PPP1R18: variants seen among roughly 807,000 people sequenced by gnomAD.
PPP1R18 encodes the protein protein phosphatase 1 regulatory subunit 18, also known as phostensin.
Under a neutral mutation model 54.8 loss-of-function variants are expected in PPP1R18, and 31 were observed. The ratio of observed to expected loss-of-function variants is 0.57; its 90% confidence interval spans 0.43 to 0.76. The LOEUF is 0.76. Ranked by LOEUF, PPP1R18 falls within the 30% of genes least tolerant of loss-of-function variation. The pLI, the probability that PPP1R18 is intolerant of heterozygous loss-of-function variation, is 0.00. For synonymous variants in PPP1R18, 310 were observed against 320.2 expected (o/e 0.97, Z 0.34); for missense variants, 685 against 776.1 (o/e 0.88, Z 1.39).
intron 2 of PPP1R18, 35 bp downstream of exon 2, chr6:30,679,140 AGCAG>A: frequency 6.4e-7 from 1 of 1,565,220 alleles, no homozygotes; most frequent in South Asian, 1.1e-5. Flanking sequence ...CCGCTCTGAC[AGCAG>A]GGGGCGCCCT....
rs1770680978 is a variant in PPP1R18, at chr6:30,683,620, G to A, written c.1611+788C>T. On this transcript the variant is annotated intron_variant, in intron 1 of 2. Transcript: ENST00000274853. This position sits in a 1 kb window ranked among gnomAD's most constrained non-coding sequence, Gnocchi z 5.1. ...TGGGAGGGAGGGGAAACCCAGGGAG[G>A]AAGGACAGGGGAGTGAGGGGCGGGG... Among the ~76,000 whole-genome samples the A allele has an allele frequency of 2.0e-5, 3 of 152,188 alleles. No individual in the cohort carries two copies. In the South Asian group the frequency reaches 6.2e-4, roughly 31 times the overall value.
rs1257789100 is a variant in PPP1R18, at chr6:30,677,294, GGA to G, written c.1823-8_1823-7del. On this transcript the variant is annotated splice_region_variant and splice_polypyrimidine_tract_variant and intron_variant, in intron 2 of 2. Transcript: ENST00000274853. ...TCACCGCCGGCAGGACTCATCTGTGGGAGAGGGGGCAATAATGTTAGAGAATG... is the reference window on the plus strand; with the variant it reads ...TCACCGCCGGCAGGACTCATCTGTGGGAGGGGGCAATAATGTTAGAGAATG... The G allele has an allele frequency of 6.3e-7, 1 of 1,595,106 alleles. No homozygotes were observed. The highest frequency in any genetic ancestry group is 1.1e-5 in the South Asian group (1 of 88,304).
In PPP1R18 at chr6:30,684,940, T is replaced by C; in HGVS notation, c.1079A>G (p.Glu360Gly). ...AGATTCCAGAAGCTTCTCTGCTGAC[T>C]CTGGAGGTTCTGGTTTCTGAGTTTG... ...EAQTQKPEPP[E>G]SAEKLLESPG... Residue 360 changes from glutamate to glycine, a missense_variant, in exon 1 of 3, where the codon GAG (glutamate) becomes GGG (glycine). Physicochemically the swap from Glu to Gly is moderately conservative, Grantham distance 98. Coordinates refer to ENST00000274853, the MANE Select transcript of PPP1R18 (RefSeq NM_133471.4). This position sits in a 1 kb window ranked among gnomAD's most constrained non-coding sequence, Gnocchi z 6.0. The C allele has an allele frequency of 6.2e-7, 1 of 1,613,076 alleles. No homozygotes were observed. Among genetic ancestry groups the C allele is most frequent in the Non-Finnish European group, 8.5e-7 (1 of 1,180,002 alleles).
Position 30,686,258 on chromosome 6 carries a change from G to A in PPP1R18, c.-240C>T, listed in dbSNP as rs562271354. ...TTGTGAGCCCAAGTTGGGGGTGGTG[G>A]GGGTGATGTGAGAGGAAGAGTCCGG... is the stretch of plus-strand genomic sequence containing the variant. On this transcript the variant is annotated 5_prime_UTR_variant, in exon 1 of 3. Coordinates refer to ENST00000274853, the MANE Select transcript of PPP1R18 (RefSeq NM_133471.4). The A allele has an allele frequency of 5.8e-5, 30 of 519,612 alleles. No homozygotes were observed. Among genetic ancestry groups the A allele is most frequent in the African/African-American group, 5.2e-4 (27 of 51,442 alleles). The allele number at this position is 519,612 out of a possible 1,614,324, so 32.2% of individuals were successfully genotyped here.
chr6:30,679,083 C>T, intron 2 of PPP1R18, 96 bp downstream of exon 2: 1 of 995,374 alleles, frequency 1.0e-6, no homozygotes, highest in Non-Finnish European at 1.5e-6. Flanking sequence ...AAGCCCCTTC[C>T]GAGTGCCTAC....
chr6:30,679,763 G>A (rs1168402688), intron 1 of PPP1R18, among the ~76,000 whole-genome samples: 1 of 152,148 alleles, frequency 6.6e-6, no homozygotes, highest in Non-Finnish European at 1.5e-5. Context: ...AATACATGGC[G>A]ATAAGTCTTG....
chr6:30,685,948 C>T lies in PPP1R18; in HGVS notation c.71G>A (p.Gly24Asp), dbSNP rs1695852455. ...GCGCTCCCGTTCTGCTTTCTCTCGG[C>T]CTCGAACGGACGCCTCCTCCTGCCG... Reference protein sequence around the residue: ...RRRQEEASVRGREKAERERLS... With the variant: ...RRRQEEASVRDREKAERERLS... Residue 24 changes from glycine to aspartate, a missense_variant, in exon 1 of 3, where the codon GGC becomes GAC. Gly to Asp is a moderately conservative substitution (Grantham distance 94). Transcript: ENST00000274853. This position sits in a 1 kb window ranked among gnomAD's most constrained non-coding sequence, Gnocchi z 5.0. 6.2e-7 allele frequency: 1 copy of T among 1,605,770 alleles called. No individual in the cohort carries two copies. The highest frequency in any genetic ancestry group is 1.3e-5 in the African/African-American group (1 of 74,868).
chr6:30,677,385 C>G (rs1355931939), intron 2 of PPP1R18, 97 bp from the exon 3 acceptor site: 1 of 1,021,264 alleles, frequency 9.8e-7, no homozygotes, highest in African/African-American at 1.6e-5. Context: ...AGTTGGCATG[C>G]AGGAAGTCCT....
intron 2 of PPP1R18, 87 bp downstream of exon 2, chr6:30,679,092 A>T: frequency 8.8e-7 from 1 of 1,130,000 alleles, no homozygotes; most frequent in Non-Finnish European, 1.3e-6. Context: ...CCGAGTGCCT[A>T]CATGTAATCC....
rs570720015 is a variant in PPP1R18, at chr6:30,684,223, A to C, written c.1611+185T>G. Among the ~76,000 whole-genome samples, 8 of 152,330 alleles carry C rather than the reference A, an allele frequency of 5.3e-5. No homozygotes were observed. The East Asian group carries it at 1.5e-3, about 29-fold the overall frequency. ...TGCTGGGGCAGGATCTTTTGGGCTC[A>C]AAATGGAAAAGGAGGGCTCTGAGAA... is the stretch of plus-strand genomic sequence containing the variant. On this transcript the variant is annotated intron_variant, in intron 1 of 2. Transcript: ENST00000274853. The surrounding 1 kb of genome is among the most constrained non-coding windows in gnomAD (Gnocchi z 6.0).
intron 2 of PPP1R18, 47 bp downstream of exon 2, chr6:30,679,132 G>T: frequency 6.5e-7 from 1 of 1,532,010 alleles, no homozygotes; most frequent in Non-Finnish European, 8.9e-7. Context: ...CACAGCGCCC[G>T]CTCTGACAGC....
At chr6:30,686,760 C>CGACG (rs1770987914), upstream of PPP1R18, 2 of 151,782 alleles carry the variant, frequency 1.3e-5, no homozygotes, top group African/African-American at 4.8e-5. Flanking sequence ...AATAGCCACC[C>CGACG]CCGAGACTTT....
chr6:30,682,135 T>C (rs2239888), intron 1 of PPP1R18, among the ~76,000 whole-genome samples: 2,997 of 152,270 alleles, frequency 0.02, 235 homozygotes, highest in East Asian at 0.17. Context: ...TTGCTCTCGG[T>C]CTATGTTTAT....
At chr6:30,682,403 T>G (rs1353347893) in intron 1 of PPP1R18, among the ~76,000 whole-genome samples, 1 of 152,004 alleles carries the variant, frequency 6.6e-6, no homozygotes, top group East Asian at 1.9e-4. Context: ...CAGGGATAAA[T>G]TTGATGGAAT....
Position 30,679,281 on chromosome 6 carries a change from TG to T in PPP1R18, c.1719del (p.Asn574ThrfsTer32). 1 of 1,553,736 alleles carries T rather than the reference TG, an allele frequency of 6.4e-7. No homozygotes were observed. The highest frequency in any genetic ancestry group is 1.4e-5 in the African/African-American group (1 of 71,738). ...LGPEPEVPSAPNPPAAQPDDE... is the reference protein window; with the variant it reads ...LGPEPEVPSAXNPPAAQPDDE... ...TCGTCGGGTTGGGCTGCTGGAGGGT[TG>T]GGGGCACTGGGGACCTCAGGCTCCG... is the stretch of plus-strand genomic sequence containing the variant. On this transcript the variant is annotated frameshift_variant, in exon 2 of 3. Coordinates refer to ENST00000274853, the MANE Select transcript of PPP1R18 (RefSeq NM_133471.4). LOFTEE classifies it high-confidence loss of function.
chr6:30,686,736 G>C (rs1770982574), upstream of PPP1R18: 3 of 147,604 alleles, frequency 2.0e-5, no homozygotes, highest in African/African-American at 5.0e-5. Context: ...CCGCCCCCGA[G>C]GCGGGTCGGG....
chr6:30,683,008 T>TA lies in PPP1R18; in HGVS notation c.1611+1399dup, dbSNP rs772475738. 1.3e-5 allele frequency among the ~76,000 whole-genome samples: 2 copies of TA among 152,156 alleles called. No homozygotes were observed. The highest frequency in any genetic ancestry group is 2.9e-5 in the Non-Finnish European group (2 of 68,010). ...CCCAGCCCTGAGGGGAACAGGCTGG[T>TA]AGCAGTCAGAGGGCTGAGGGTAGGT... On this transcript the variant is annotated intron_variant, in intron 1 of 2. Transcript: ENST00000274853. The surrounding 1 kb of genome is among the most constrained non-coding windows in gnomAD (Gnocchi z 5.1).
chr6:30,686,161 A>T lies in PPP1R18; in HGVS notation c.-143T>A. Reference sequence around the variant, plus strand: ...AGAGGTGGGACACAAAGCAGGGCAGAGGGGCTAAGGATGAGGACAGAGGGA... The same window carrying T: ...AGAGGTGGGACACAAAGCAGGGCAGTGGGGCTAAGGATGAGGACAGAGGGA... On this transcript the variant is annotated 5_prime_UTR_variant, in exon 1 of 3. Coordinates refer to ENST00000274853, the MANE Select transcript of PPP1R18 (RefSeq NM_133471.4). 1 of 797,768 alleles carries T rather than the reference A, an allele frequency of 1.3e-6. No individual in the cohort carries two copies. The highest frequency in any genetic ancestry group is 2.0e-6 in the Non-Finnish European group (1 of 501,164). The allele number at this position is 797,768 out of a possible 1,614,324, so 49.4% of individuals were successfully genotyped here.
Position 30,684,777 on chromosome 6 carries a change from T to C in PPP1R18, c.1242A>G (p.Arg414=), listed in dbSNP as rs1385005876. The change falls in exon 1 of 3, where the codon AGA becomes AGG. Residue 414 remains arginine, a synonymous_variant. Coordinates refer to ENST00000274853, the MANE Select transcript of PPP1R18 (RefSeq NM_133471.4). This position sits in a 1 kb window ranked among gnomAD's most constrained non-coding sequence, Gnocchi z 6.0. ...PPEDAGTGGL[R]QQEEEAVELQ... ...GCTCCACTGCTTCCTCTTCCTGCTGTCTCAGGCCTCCAGTCCCAGCGTCCT... is the reference window on the plus strand; with the variant it reads ...GCTCCACTGCTTCCTCTTCCTGCTGCCTCAGGCCTCCAGTCCCAGCGTCCT... 2 of 1,601,448 alleles carry C rather than the reference T, an allele frequency of 1.2e-6. No homozygotes were observed. Among genetic ancestry groups the C allele is most frequent in the Non-Finnish European group, 1.7e-6 (2 of 1,173,524 alleles).
Sources: gnomAD v4.1 joint callset for allele counts (sites outside exome capture counted in the v4.1 genomes callset) on GRCh38, gnomAD v4.1.1 for gene constraint, Gnocchi (gnomAD v3.1) non-coding constraint, MANE v1.5 for transcripts, NCBI Gene and HGNC (gene_info 2026-07-23, HGNC 2026-07-21) for gene names.